The following AJAP1 variants were observed in gnomAD, a reference collection of about 807,000 sequenced individuals.
AJAP1 encodes the protein adherens junctions associated protein 1, also known as adherens junction-associated protein 1.
A neutral mutation model predicts 35.0 loss-of-function variants in AJAP1; 5 were observed. That is an observed-to-expected ratio of 0.14 (90% CI 0.07 to 0.30). AJAP1 has a LOEUF of 0.30. Ranked by LOEUF, AJAP1 falls within the 10% of genes least tolerant of loss-of-function variation. The pLI is 1.00. For synonymous variants in AJAP1, 284 were observed against 249.3 expected (o/e 1.14, Z -1.31); for missense variants, 586 against 571.0 (o/e 1.03, Z -0.27).
At chr1:4,688,976 C>T (rs1557609745) in intron 1 of AJAP1, among the ~76,000 whole-genome samples, 1 of 151,996 alleles carries the variant, frequency 6.6e-6, no homozygotes, top group Non-Finnish European at 1.5e-5. Flanking sequence ...AGCGGGTGCC[C>T]CTCCAGTACC....
At chr1:4,670,229 C>G (rs1639222427) in intron 1 of AJAP1, among the ~76,000 whole-genome samples, 1 of 152,164 alleles carries the variant, frequency 6.6e-6, no homozygotes, top group South Asian at 2.1e-4. Flanking sequence ...CCTGTGGCAG[C>G]CGGTCTGTCT....
intron 4 of AJAP1, 33 bp downstream of exon 4, chr1:4,772,558 T>C (rs2100363135): frequency 2.5e-6 from 4 of 1,605,606 alleles, no homozygotes; most frequent in Non-Finnish European, 3.4e-6. Context: ...CCTGCAGCTG[T>C]GAAGCTCTTG....
chr1:4,763,246 A>C (rs1025523504), intron 2 of AJAP1, among the ~76,000 whole-genome samples: 12 of 152,200 alleles, frequency 7.9e-5, no homozygotes, highest in Non-Finnish European at 1.8e-4. Context: ...GCTGAGGACC[A>C]CTGCTCCACC....
chr1:4,692,238 C>T lies in AJAP1; in HGVS notation c.30-19662C>T, dbSNP rs1366553378. Among the ~76,000 whole-genome samples, 3 of 152,128 alleles carry T rather than the reference C, an allele frequency of 2.0e-5. No individual in the cohort carries two copies. Among genetic ancestry groups the T allele is most frequent in the Non-Finnish European group, 2.9e-5 (2 of 68,020 alleles). On this transcript the variant is annotated intron_variant, in intron 1 of 5. Transcript: ENST00000378191. This position sits in a 1 kb window ranked among gnomAD's most constrained non-coding sequence, Gnocchi z 4.4. ...CAGGCAGGCTCCTGCTGCTGCCTCCCGCCGCTGCCTCCCGCCACCAGGACA... is the reference window on the plus strand; with the variant it reads ...CAGGCAGGCTCCTGCTGCTGCCTCCTGCCGCTGCCTCCCGCCACCAGGACA...
chr1:4,747,770 C>A (rs1222207614), intron 2 of AJAP1, among the ~76,000 whole-genome samples: 1 of 152,064 alleles, frequency 6.6e-6, no homozygotes, highest in Non-Finnish European at 1.5e-5. Context: ...GGCAGATCAC[C>A]TGAGGTCAGG....
chr1:4,710,836 G>A (rs957207216), intron 1 of AJAP1, among the ~76,000 whole-genome samples: 5 of 152,236 alleles, frequency 3.3e-5, no homozygotes, highest in Non-Finnish European at 5.9e-5. Context: ...GCCGCGCCCT[G>A]GTTTTCATGT....
rs535041899 is a variant in AJAP1, at chr1:4,720,821, G to A, written c.829+8122G>A. ...AGTTAGGTTGTGTGGCTGCATGCTC[G>A]GTGCTATTCTGTCCATATCATGATC... is the stretch of plus-strand genomic sequence containing the variant. On this transcript the variant is annotated intron_variant, in intron 2 of 5. Coordinates refer to ENST00000378191, the MANE Select transcript of AJAP1 (RefSeq NM_018836.4). This position sits in a 1 kb window ranked among gnomAD's most constrained non-coding sequence, Gnocchi z 4.4. 2.0e-5 allele frequency among the ~76,000 whole-genome samples: 3 copies of A among 152,250 alleles called. No individual in the cohort carries two copies. Among genetic ancestry groups the A allele is most frequent in the Admixed American group, 6.5e-5 (1 of 15,300 alleles).
intron 1 of AJAP1, among the ~76,000 whole-genome samples, chr1:4,677,983 G>A (rs1433889227): frequency 2.0e-5 from 3 of 152,288 alleles, no homozygotes; most frequent in East Asian, 1.9e-4. Flanking sequence ...AGAGGATGTC[G>A]ATCAGCCCTG....
intron 1 of AJAP1, among the ~76,000 whole-genome samples, chr1:4,661,844 A>G (rs1044934000): frequency 1.3e-5 from 2 of 152,344 alleles, no homozygotes; most frequent in African/African-American, 4.8e-5. Flanking sequence ...ATGAAACGTC[A>G]TGGGGAGATG....
chr1:4,700,758 C>G (rs1359259585), intron 1 of AJAP1, among the ~76,000 whole-genome samples: 1 of 152,108 alleles, frequency 6.6e-6, no homozygotes, highest in Non-Finnish European at 1.5e-5. Flanking sequence ...GCCCAGCAGC[C>G]GAGGCTGCAC....
chr1:4,762,728 C>T (rs1203091040), intron 2 of AJAP1, among the ~76,000 whole-genome samples: 1 of 152,256 alleles, frequency 6.6e-6, no homozygotes, highest in South Asian at 2.1e-4. Flanking sequence ...AATTATTAAG[C>T]CTGAGGGTGA....
At chr1:4,754,297 G>A (rs936224768) in intron 2 of AJAP1, among the ~76,000 whole-genome samples, 2 of 152,294 alleles carry the variant, frequency 1.3e-5, no homozygotes, top group Non-Finnish European at 2.9e-5. Context: ...CACAGGCAGG[G>A]GTGTGTTGTT....
At chr1:4,659,335 C>T (rs1048817117) in intron 1 of AJAP1, among the ~76,000 whole-genome samples, 3 of 152,100 alleles carry the variant, frequency 2.0e-5, no homozygotes, top group African/African-American at 4.8e-5. Flanking sequence ...GAGGGTTTCT[C>T]CTGCCTGATG....
rs1018911702 is a variant in AJAP1, at chr1:4,662,544, G to A, written c.29+7090G>A. On this transcript the variant is annotated intron_variant, in intron 1 of 5. Transcript: ENST00000378191. ...GGAGCAGCGCTGCCATGAACTTCGC[G>A]TGCACGCCTCGGGATGGATGTTGTT... 5.9e-5 allele frequency among the ~76,000 whole-genome samples: 9 copies of A among 152,280 alleles called. No homozygotes were observed. The Middle Eastern group carries it at 0.01, about 173-fold the overall frequency.
Position 4,712,438 on chromosome 1 carries a change from G to C in AJAP1, c.568G>C (p.Glu190Gln), listed in dbSNP as rs764876909. The C allele has an allele frequency of 5.6e-6, 9 of 1,606,828 alleles. No homozygotes were observed. The South Asian group carries it at 8.9e-5, about 16-fold the overall frequency. The stretch of plus-strand genomic sequence containing the variant: ...CGCCTGGGGGCCCACGGGGGACGAG[G>C]AGGCCCTGGAGTCCAACACATTTCC... ...FIAWGPTGDE[E>Q]ALESNTFPGV... The change falls in exon 2 of 6, where the codon GAG becomes CAG. Residue 190 changes from glutamate (E) to glutamine (Q), a missense_variant. Physicochemically the swap from Glu to Gln is conservative, Grantham distance 29. Transcript: ENST00000378191.
chr1:4,668,213 C>CAAA (rs35921768), intron 1 of AJAP1, among the ~76,000 whole-genome samples: 46 of 149,384 alleles, frequency 3.1e-4, no homozygotes, highest in Admixed American at 5.3e-4. Flanking sequence ...AACTCTATCT[C>CAAA]AAAAAAAAAA....
At chr1:4,706,333 G>A (rs746972801) in intron 1 of AJAP1, among the ~76,000 whole-genome samples, 6 of 152,206 alleles carry the variant, frequency 3.9e-5, no homozygotes, top group Non-Finnish European at 7.3e-5. Context: ...ACGAGGAGGC[G>A]GAGACCTCAG....
At chr1:4,690,812 T>A (rs2100225900) in intron 1 of AJAP1, among the ~76,000 whole-genome samples, 1 of 152,284 alleles carries the variant, frequency 6.6e-6, no homozygotes, top group Non-Finnish European at 1.5e-5. Context: ...AAGCCTCCAC[T>A]CGGCCGCTGG....
Position 4,721,993 on chromosome 1 carries a change from T to A in AJAP1, c.829+9294T>A, listed in dbSNP as rs1212658189. Among the ~76,000 whole-genome samples the A allele has an allele frequency of 2.6e-5, 4 of 152,300 alleles. No homozygotes were observed. In the South Asian group the frequency reaches 8.3e-4, roughly 32 times the overall value. On this transcript the variant is annotated intron_variant, in intron 2 of 5. Transcript: ENST00000378191. The stretch of plus-strand genomic sequence containing the variant: ...ACGTGCATATATACAGCATTTTATC[T>A]GTATGTGTGCTGAGGTGGTCAAAGG...
Sources: gnomAD v4.1 joint callset for allele counts (sites outside exome capture counted in the v4.1 genomes callset) on GRCh38, gnomAD v4.1.1 for gene constraint, Gnocchi (gnomAD v3.1) non-coding constraint, MANE v1.5 for transcripts, NCBI Gene and HGNC (gene_info 2026-07-23, HGNC 2026-07-21) for gene names.